BLACAT1: variants seen among roughly 807,000 people sequenced by gnomAD.
BLACAT1 encodes bladder cancer associated transcript 1.
chr1:205,439,969 G>A (rs1012359982), exon 2 of BLACAT1, among the ~76,000 whole-genome samples: 4 of 152,018 alleles, frequency 2.6e-5, no homozygotes, highest in African/African-American at 9.7e-5. Flanking sequence ...GCGGGGGTGG[G>A]GGATGAGGGA....
exon 2 of BLACAT1, among the ~76,000 whole-genome samples, chr1:205,440,328 C>T (rs1310972313): frequency 6.6e-6 from 1 of 152,240 alleles, no homozygotes; most frequent in East Asian, 1.9e-4. Flanking sequence ...CCACTGGCCA[C>T]CTCTGCCTTC....
At position 205,448,309 on chromosome 1, in the gene BLACAT1, GC is replaced by G. The variant is rs776650042; in HGVS notation, c.-36-7248del. On this transcript the variant is annotated intron_variant, in intron 1 of 1. Transcript: ENST00000629624. The surrounding 1 kb of genome is among the most constrained non-coding windows in gnomAD (Gnocchi z 4.7). Reference sequence around the variant, plus strand: ...TGCAGCTGCGCAGGAGAAGGAGCTCGCCCCTCACTGTAGCCCATGGCTTTTA... The same window carrying G: ...TGCAGCTGCGCAGGAGAAGGAGCTCGCCCTCACTGTAGCCCATGGCTTTTA... The G allele has an allele frequency of 3.8e-6, 2 of 530,708 alleles. No individual in the cohort carries two copies. Among genetic ancestry groups the G allele is most frequent in the South Asian group, 2.8e-5 (2 of 71,486 alleles). The allele number at this position is 530,708 out of a possible 1,614,324, so 32.9% of individuals were successfully genotyped here. A position where few individuals can be genotyped will look rare whatever the true frequency, so the allele number is the denominator to read the frequency against.
chr1:205,448,515 G>T lies in BLACAT1; in HGVS notation c.-37+7402C>A. The T allele has an allele frequency of 2.5e-6, 1 of 407,798 alleles. No homozygotes were observed. Among genetic ancestry groups the T allele is most frequent in the Non-Finnish European group, 4.9e-6 (1 of 204,290 alleles). The allele number at this position is 407,798 out of a possible 1,614,324, so 25.3% of individuals were successfully genotyped here. ...ACCCACCCACACTGCCTCCCTCCAG[G>T]ACTGGGCCCCCCAGGTTAAATTCTC... On this transcript the variant is annotated intron_variant, in intron 1 of 1. Transcript: ENST00000629624. The surrounding 1 kb of genome is among the most constrained non-coding windows in gnomAD (Gnocchi z 4.7).
rs1666471030 is a variant in BLACAT1 at position 205,450,056 on chromosome 1, C to T, written c.-37+5861G>A. 1 of 152,176 alleles carries T rather than the reference C, an allele frequency of 6.6e-6. No individual in the cohort carries two copies. The highest frequency in any genetic ancestry group is 1.5e-5 in the Non-Finnish European group (1 of 68,098). 9.4% of individuals were successfully genotyped at this position (152,176 alleles called of 1,614,324 possible). ...GGCCAGGGCTGAGCTGTACCCAACT[C>T]AACTTGACTCACTTGTGACCGGCCC... On this transcript the variant is annotated intron_variant, in intron 1 of 1. Transcript: ENST00000629624. The surrounding 1 kb of genome is among the most constrained non-coding windows in gnomAD (Gnocchi z 4.4).
chr1:205,444,618 G>C (rs1666351993), intron 1 of BLACAT1, among the ~76,000 whole-genome samples: 1 of 152,124 alleles, frequency 6.6e-6, no homozygotes. Flanking sequence ...AGGAGACTCA[G>C]AGCAGGCCAG....
Position 205,441,703 on chromosome 1 carries a change from G to A in BLACAT1, c.-36-641C>T, listed in dbSNP as rs951835179. 6.6e-6 allele frequency among the ~76,000 whole-genome samples: 1 copy of A among 152,238 alleles called. No homozygotes were observed. Among genetic ancestry groups the A allele is most frequent in the African/African-American group, 2.4e-5 (1 of 41,464 alleles). ...ATCCTCACCATGCAGAGAAGAGACAGCAAAGAGGGTTCTTTTAGCCAACAG... is the reference window on the plus strand; with the variant it reads ...ATCCTCACCATGCAGAGAAGAGACAACAAAGAGGGTTCTTTTAGCCAACAG... On this transcript the variant is annotated intron_variant, in intron 1 of 1. Coordinates refer to ENST00000629624, the Ensembl canonical transcript of BLACAT1. The surrounding 1 kb of genome is among the most constrained non-coding windows in gnomAD (Gnocchi z 4.3).
chr1:205,451,914 G>A (rs1666502341), intron 1 of BLACAT1, among the ~76,000 whole-genome samples: 2 of 152,156 alleles, frequency 1.3e-5, no homozygotes, highest in South Asian at 2.1e-4. Flanking sequence ...TTAGAGGAGA[G>A]GGTAGGAGAA....
chr1:205,446,941 C>T lies in BLACAT1; in HGVS notation c.-36-5879G>A, dbSNP rs1028662656. 5.3e-5 allele frequency among the ~76,000 whole-genome samples: 8 copies of T among 152,222 alleles called. No individual in the cohort carries two copies. The East Asian group carries it at 7.7e-4, about 15-fold the overall frequency. On this transcript the variant is annotated intron_variant, in intron 1 of 1. Transcript: ENST00000629624. ...ATTGTTCTGATCCCCCCGCTCCCCC[C>T]GACCTCCTGTGGGAAAAGGAAAACC... is the stretch of plus-strand genomic sequence containing the variant.
chr1:205,442,248 G>T (rs1029616801), intron 1 of BLACAT1, among the ~76,000 whole-genome samples: 5 of 152,192 alleles, frequency 3.3e-5, no homozygotes, highest in African/African-American at 9.6e-5. Context: ...GGGAAGGAGG[G>T]AGGCACAGGG....
At chr1:205,449,548 C>T (rs1324688203) in intron 1 of BLACAT1, among the ~76,000 whole-genome samples, 1 of 152,160 alleles carries the variant, frequency 6.6e-6, no homozygotes, top group African/African-American at 2.4e-5. Flanking sequence ...TTTCACTGGA[C>T]AGGAATCCTG....
rs1458834494 is a variant in BLACAT1, at chr1:205,448,069, T to A, written c.-36-7007A>T. ...GAAAGCTCAGCACACCCTGAAGGTC[T>A]CCTTCCTTCCTCAGAGGGAATCTCC... On this transcript the variant is annotated intron_variant, in intron 1 of 1. Coordinates refer to ENST00000629624, the Ensembl canonical transcript of BLACAT1. The surrounding 1 kb of genome is among the most constrained non-coding windows in gnomAD (Gnocchi z 4.7). Among the ~76,000 whole-genome samples, 3 of 152,160 alleles carry A rather than the reference T, an allele frequency of 2.0e-5. No homozygotes were observed. The highest frequency in any genetic ancestry group is 4.4e-5 in the Non-Finnish European group (3 of 68,032).
At chr1:205,451,665 T>C (rs1666499299) in intron 1 of BLACAT1, among the ~76,000 whole-genome samples, 1 of 151,492 alleles carries the variant, frequency 6.6e-6, no homozygotes, top group Non-Finnish European at 1.5e-5. Flanking sequence ...AGAGAAATTG[T>C]GAAGAAGAGG....
chr1:205,436,895 G>A (rs922912020), downstream of BLACAT1: 2 of 152,300 alleles, frequency 1.3e-5, no homozygotes, highest in Non-Finnish European at 2.9e-5. Context: ...CATCTGATAA[G>A]TGTGCCCTTT....
chr1:205,451,898 T>C lies in BLACAT1; in HGVS notation c.-37+4019A>G, dbSNP rs145957809. ...TACAACTTGCCTGGATGGGCATTTT[T>C]TGCTCTTAGAGGAGAGGGTAGGAGA... is the stretch of plus-strand genomic sequence containing the variant. On this transcript the variant is annotated intron_variant, in intron 1 of 1. Transcript: ENST00000629624. Among the ~76,000 whole-genome samples, 537 of 152,268 alleles carry C rather than the reference T, an allele frequency of 3.5e-3. 4 individuals are homozygous for C. Among genetic ancestry groups the C allele is most frequent in the African/African-American group, 0.012 (510 of 41,554 alleles).
chr1:205,455,394 T>C (rs964612861), intron 1 of BLACAT1, among the ~76,000 whole-genome samples: 1 of 152,162 alleles, frequency 6.6e-6, no homozygotes, highest in African/African-American at 2.4e-5. Context: ...CGGACATGGC[T>C]TCTCCCAGGC....
At chr1:205,452,353 T>C (rs946425827) in intron 1 of BLACAT1, among the ~76,000 whole-genome samples, 1 of 152,144 alleles carries the variant, frequency 6.6e-6, no homozygotes, top group African/African-American at 2.4e-5. Context: ...AGAACTCCTT[T>C]GCCAGAAAAG....
At chr1:205,455,680 G>C (rs1666554074) in intron 1 of BLACAT1, among the ~76,000 whole-genome samples, 1 of 152,178 alleles carries the variant, frequency 6.6e-6, no homozygotes, top group Admixed American at 6.5e-5. Context: ...AATGGGGGCG[G>C]GGAGGGGGCT....
intron 1 of BLACAT1, among the ~76,000 whole-genome samples, chr1:205,443,745 G>A (rs1666335942): frequency 6.6e-6 from 1 of 152,210 alleles, no homozygotes; most frequent in Non-Finnish European, 1.5e-5. Context: ...ATGCCCCGGA[G>A]GCTGCCTGGG....
At chr1:205,453,633 T>C (rs1005702627) in intron 1 of BLACAT1, among the ~76,000 whole-genome samples, 1 of 152,006 alleles carries the variant, frequency 6.6e-6, no homozygotes, top group African/African-American at 2.4e-5. Flanking sequence ...GCAATGAAGA[T>C]AGCAAGAGAC....
Sources: allele counts gnomAD v4.1 joint callset (sites outside exome capture counted in the v4.1 genomes callset), GRCh38; gene constraint gnomAD v4.1.1; non-coding constraint Gnocchi (gnomAD v3.1); transcripts MANE v1.5; gene names NCBI Gene and HGNC (gene_info 2026-07-23, HGNC 2026-07-21).